The following USB1 variants were observed in gnomAD, a reference collection of about 807,000 sequenced individuals.
USB1 encodes the protein U6 snRNA biogenesis phosphodiesterase 1.
In USB1, 21 loss-of-function variants were observed where a neutral mutation model predicts 29.9. The ratio of observed to expected loss-of-function variants is 0.70; its 90% CI spans 0.50 to 1.01. The LOEUF (loss-of-function observed/expected upper bound fraction) is 1.01, where lower values mean the gene tolerates loss of function less well. Ranked by LOEUF, USB1 falls within the 50% of genes least tolerant of loss-of-function variation. USB1 has a pLI of 0.00. For synonymous variants in USB1, 143 were observed against 134.9 expected (o/e 1.06, Z -0.42); for missense variants, 330 against 347.1 (o/e 0.95, Z 0.39).
chr16:58,005,021 C>T (rs1295624039), intron 2 of USB1, among the ~76,000 whole-genome samples: 2 of 152,160 alleles, frequency 1.3e-5, no homozygotes, highest in East Asian at 3.9e-4. Context: ...GGGGCCCTTG[C>T]CTGCCTGGCA....
chr16:58,000,235 C>G (rs1162561731), upstream of USB1, among the ~76,000 whole-genome samples: 1 of 152,042 alleles, frequency 6.6e-6, no homozygotes, highest in East Asian at 1.9e-4. This position sits in a 1 kb window ranked among gnomAD's most constrained non-coding sequence, Gnocchi z 4.5. Context: ...CAGGCCGGGC[C>G]CAGGAAGCGG....
At chr16:58,005,039 CAGAGAGAGAGAG>C (rs1182491894) in intron 2 of USB1, among the ~76,000 whole-genome samples, 1 of 151,180 alleles carries the variant, frequency 6.6e-6, no homozygotes, top group Admixed American at 6.6e-5. Flanking sequence ...GCAGCTGAGG[CAGAGAGAGAGAG>C]GGAGAGAGAG....
chr16:58,002,040 G>A lies in USB1; in HGVS notation c.99-439G>A, dbSNP rs561900858. ...CGTCGGCCTTACTTCCTGGGGCTTA[G>A]ATTCTTAAATGCTAGGCCTTATCTT... On this transcript the variant is annotated intron_variant, in intron 1 of 6. Coordinates refer to ENST00000219281, the MANE Select transcript of USB1 (RefSeq NM_024598.4). 6.6e-5 allele frequency among the ~76,000 whole-genome samples: 10 copies of A among 152,354 alleles called. No homozygotes were observed. The South Asian group carries it at 1.0e-3, about 16-fold the overall frequency.
At chr16:58,008,238 C>T (rs1420625118) in intron 2 of USB1, among the ~76,000 whole-genome samples, 1 of 151,910 alleles carries the variant, frequency 6.6e-6, no homozygotes, top group East Asian at 1.9e-4. Context: ...TCTTAGTTAG[C>T]CTGGCTAGAA....
rs372917091 is a variant in USB1 at position 58,002,595 on chromosome 16, G to C, written c.215G>C (p.Arg72Pro). The change falls in exon 2 of 7, where the codon CGC becomes CCC. Residue 72 changes from arginine to proline, a missense_variant. Transcript: ENST00000219281. ...DDSTKHGGRV[R>P]TFPHERGNWA... ...AGCACAAAACACGGGGGACGGGTGC[G>C]CACCTTCCCCCACGAGCGAGGCAAC... 5.6e-6 allele frequency: 9 copies of C among 1,614,024 alleles called. No individual in the cohort carries two copies. In the African/African-American group the frequency reaches 1.1e-4, roughly 19 times the overall value.
At chr16:58,014,583 G>A (rs542356536) in intron 4 of USB1, among the ~76,000 whole-genome samples, 1 of 152,332 alleles carries the variant, frequency 6.6e-6, no homozygotes, top group Non-Finnish European at 1.5e-5. Flanking sequence ...AGGAGTTCCA[G>A]ACCAGCCTGG....
chr16:58,020,020 G>A (rs1367582691), intron 6 of USB1, 121 bp from the exon 7 acceptor site: 8 of 863,988 alleles, frequency 9.3e-6, no homozygotes, highest in Non-Finnish European at 1.5e-5. Context: ...TGCAGAGCCT[G>A]GAGCCTGCAG....
chr16:58,020,331 C>A lies in USB1; in HGVS notation c.*86C>A. 1 of 1,354,496 alleles carries A rather than the reference C, an allele frequency of 7.4e-7. No individual in the cohort carries two copies. The highest frequency in any genetic ancestry group is 1.0e-6 in the Non-Finnish European group (1 of 958,912). The allele number at this position is 1,354,496 out of a possible 1,614,324, so 83.9% of individuals were successfully genotyped here. A position where few individuals can be genotyped will look rare whatever the true frequency, so the allele number is the denominator to read the frequency against. On this transcript the variant is annotated 3_prime_UTR_variant, in exon 7 of 7. Coordinates refer to ENST00000219281, the MANE Select transcript of USB1 (RefSeq NM_024598.4). ...CTAAAATCGATGGAGATGCTTCTAG[C>A]CTCCCAGTAGGAGGCCCCAGCCATG...
intron 6 of USB1, 141 bp from the exon 7 acceptor site, chr16:58,020,000 A>G: frequency 1.3e-6 from 1 of 757,456 alleles, no homozygotes; most frequent in Non-Finnish European, 2.3e-6. Flanking sequence ...TGATCAGACA[A>G]GATCACCAAT....
rs1043907459 is a variant in USB1 at position 58,013,464 on chromosome 16, G to A, written c.450-809G>A. ...ATGGGGGTGAGACCCTTGGCCTGGG[G>A]GCTGTAAAATGATCTGTTTCTGTGA... is the stretch of plus-strand genomic sequence containing the variant. On this transcript the variant is annotated intron_variant, in intron 3 of 6. Coordinates refer to ENST00000219281, the MANE Select transcript of USB1 (RefSeq NM_024598.4). The surrounding 1 kb of genome is among the most constrained non-coding windows in gnomAD (Gnocchi z 4.3). The A allele has an allele frequency of 2.0e-6, 2 of 985,444 alleles. No homozygotes were observed. Among genetic ancestry groups the A allele is most frequent in the Non-Finnish European group, 2.4e-6 (2 of 830,086 alleles). The allele number at this position is 985,444 out of a possible 1,614,324, so 61.0% of individuals were successfully genotyped here. A position where few individuals can be genotyped will look rare whatever the true frequency, so the allele number is the denominator to read the frequency against.
intron 6 of USB1, 68 bp downstream of exon 6, chr16:58,019,123 G>A: frequency 6.5e-7 from 1 of 1,538,278 alleles, no homozygotes; most frequent in African/African-American, 1.4e-5. Flanking sequence ...TGCTGGAGAG[G>A]GGGAGGATGA....
At chr16:58,004,375 G>A (rs1337391588) in intron 2 of USB1, among the ~76,000 whole-genome samples, 3 of 152,104 alleles carry the variant, frequency 2.0e-5, no homozygotes, top group Non-Finnish European at 4.4e-5. Context: ...CTCGAAGTTG[G>A]GTAGTTTCAG....
intron 1 of USB1, among the ~76,000 whole-genome samples, chr16:58,001,790 A>C (rs1201019696): frequency 9.7e-5 from 12 of 124,140 alleles, no homozygotes; most frequent in Non-Finnish European, 1.3e-4. Context: ...GGCTAGGGCC[A>C]AGTTGGGAGG....
chr16:58,017,684 A>T, intron 5 of USB1, among the ~76,000 whole-genome samples: 1 of 152,132 alleles, frequency 6.6e-6, no homozygotes, highest in East Asian at 1.9e-4. Flanking sequence ...TACGCCCGAG[A>T]TTTGTACCTT....
intron 2 of USB1, among the ~76,000 whole-genome samples, chr16:58,008,558 G>C (rs889723849): frequency 6.6e-6 from 1 of 150,528 alleles, no homozygotes; most frequent in Non-Finnish European, 1.5e-5. Context: ...GGTTCAAGTG[G>C]TTCTCCTGTC....
intron 3 of USB1, chr16:58,012,745 G>T: frequency 9.5e-7 from 1 of 1,056,944 alleles, no homozygotes; most frequent in African/African-American, 1.7e-5. Flanking sequence ...GGAGGAGAGC[G>T]GCTATGTTAG....
intron 1 of USB1, 40 bp downstream of exon 1, chr16:58,001,621 C>T (rs1246591630): frequency 1.3e-6 from 2 of 1,566,690 alleles, no homozygotes; most frequent in African/African-American, 1.4e-5. Context: ...CGCGCGCATT[C>T]ACCCTAGAGC....
chr16:58,005,263 A>G (rs963802001), intron 2 of USB1, among the ~76,000 whole-genome samples: 13 of 152,254 alleles, frequency 8.5e-5, no homozygotes, highest in Admixed American at 5.2e-4. Context: ...GGCCCTCCAC[A>G]AGAGGTGGAG....
At chr16:58,007,464 C>T (rs1449253099) in intron 2 of USB1, among the ~76,000 whole-genome samples, 1 of 152,116 alleles carries the variant, frequency 6.6e-6, no homozygotes, top group African/African-American at 2.4e-5. Flanking sequence ...TCACTGCAAC[C>T]TCTGCCTCCC....
Sources: allele counts gnomAD v4.1 joint callset (sites outside exome capture counted in the v4.1 genomes callset), GRCh38; gene constraint gnomAD v4.1.1; non-coding constraint Gnocchi (gnomAD v3.1); transcripts MANE v1.5; gene names NCBI Gene and HGNC (gene_info 2026-07-23, HGNC 2026-07-21).